TNR: variants seen among roughly 807,000 people sequenced by gnomAD.
TNR encodes tenascin-R.
TNR carries 45 observed loss-of-function variants against 150.4 expected under a neutral mutation model. The observed-to-expected ratio is 0.30, with a 90% confidence interval of 0.24 to 0.38. TNR has a LOEUF of 0.38. Among genes scored for constraint, TNR ranks in the 10% least tolerant of loss-of-function variants. The pLI is 1.00. For synonymous variants in TNR, 687 were observed against 678.4 expected, an observed-to-expected ratio of 1.01 and a Z score of -0.20; for missense variants, 1,544 against 1,759.1, an observed-to-expected ratio of 0.88 and a Z score of 2.19.
chr1:175,666,025 T>C (rs1054097293), intron 1 of TNR, among the ~76,000 whole-genome samples: 3 of 152,214 alleles, frequency 2.0e-5, no homozygotes, highest in African/African-American at 7.2e-5. Context: ...CTCCCTAATT[T>C]ACCATAAGGG....
chr1:175,493,054 G>A (rs2102141365), intron 2 of TNR, among the ~76,000 whole-genome samples: 1 of 152,122 alleles, frequency 6.6e-6, no homozygotes, highest in Admixed American at 6.5e-5. Flanking sequence ...CATTTCTCCT[G>A]TGACACATTA....
chr1:175,655,843 G>A (rs529502410), intron 1 of TNR, among the ~76,000 whole-genome samples: 1 of 152,320 alleles, frequency 6.6e-6, no homozygotes, highest in South Asian at 2.1e-4. Context: ...CTTTGGTTCT[G>A]AGCTGTCACT....
intron 1 of TNR, among the ~76,000 whole-genome samples, chr1:175,607,321 C>T (rs1558035006): frequency 6.6e-6 from 1 of 152,162 alleles, no homozygotes; most frequent in Non-Finnish European, 1.5e-5. Flanking sequence ...CATAGAAGCC[C>T]AAATGGAATC....
intron 1 of TNR, among the ~76,000 whole-genome samples, chr1:175,732,280 G>A (rs968085435): frequency 5.3e-5 from 8 of 152,188 alleles, no homozygotes; most frequent in African/African-American, 7.2e-5. Context: ...AAAAGAAGTG[G>A]CCCACAAGTG....
At chr1:175,730,067 G>A (rs897581984) in intron 1 of TNR, among the ~76,000 whole-genome samples, 1 of 152,112 alleles carries the variant, frequency 6.6e-6, no homozygotes. Flanking sequence ...ATCCTGAAAG[G>A]AAGACCAAAT....
At position 175,317,206 on chromosome 1, in the gene TNR, A is replaced by G. The variant is rs985770867; in HGVS notation, c.*6151T>C. On this transcript the variant is annotated 3_prime_UTR_variant, in exon 23 of 23. Transcript: ENST00000367674. ...AAATAGTGGGTATGCAATAAATGCT[A>G]TTTATCTTAGTGTTCATTTGTGGAG... 6 of 152,194 alleles carry G rather than the reference A, an allele frequency of 3.9e-5. No individual in the cohort carries two copies. Among genetic ancestry groups the G allele is most frequent in the Non-Finnish European group, 7.3e-5 (5 of 68,028 alleles). 9.4% of individuals were successfully genotyped at this position (152,194 alleles called of 1,614,324 possible).
chr1:175,418,127 T>A (rs1223338188), intron 2 of TNR, among the ~76,000 whole-genome samples: 1 of 152,150 alleles, frequency 6.6e-6, no homozygotes, highest in Non-Finnish European at 1.5e-5. Flanking sequence ...CCTGCTTAAT[T>A]AAATTCAGTT....
At chr1:175,387,754 C>A (rs1383993107) in intron 7 of TNR, among the ~76,000 whole-genome samples, 1 of 152,238 alleles carries the variant, frequency 6.6e-6, no homozygotes, top group East Asian at 1.9e-4. Context: ...CTCTGGCCCA[C>A]CTCCTACTCT....
chr1:175,537,681 C>G (rs1045543567), intron 1 of TNR, among the ~76,000 whole-genome samples: 1 of 152,220 alleles, frequency 6.6e-6, no homozygotes, highest in Non-Finnish European at 1.5e-5. Flanking sequence ...TGATGAAGGA[C>G]TCTGGGTTAG....
intron 1 of TNR, among the ~76,000 whole-genome samples, chr1:175,532,826 A>G (rs1660126088): frequency 6.6e-6 from 1 of 152,180 alleles, no homozygotes; most frequent in Non-Finnish European, 1.5e-5. Flanking sequence ...GGCTTCTACA[A>G]GGGTGCTTGA....
At chr1:175,431,931 C>CCT (rs57810187) in intron 2 of TNR, among the ~76,000 whole-genome samples, 9 of 149,750 alleles carry the variant, frequency 6.0e-5, no homozygotes, top group East Asian at 2.0e-4. Flanking sequence ...CTCTCTCTCT[C>CCT]TCTCCCTCTG....
intron 1 of TNR, among the ~76,000 whole-genome samples, chr1:175,677,493 C>T (rs1440097611): frequency 5.3e-5 from 8 of 152,190 alleles, no homozygotes; most frequent in Non-Finnish European, 1.0e-4. Context: ...CACATCACTC[C>T]CTCCCAGGGC....
At position 175,599,568 on chromosome 1, in the gene TNR, C is replaced by T. The variant is rs1226659447; in HGVS notation, c.-164-71199G>A. Among the ~76,000 whole-genome samples, 1 of 152,224 alleles carries T rather than the reference C, an allele frequency of 6.6e-6. No individual in the cohort carries two copies. The highest frequency in any genetic ancestry group is 2.4e-5 in the African/African-American group (1 of 41,470). On this transcript the variant is annotated intron_variant, in intron 1 of 22. Transcript: ENST00000367674. This position sits in a 1 kb window ranked among gnomAD's most constrained non-coding sequence, Gnocchi z 4.7. ...GGGTCTCTGCTGGGCTAGTGTCCCG[C>T]ATCAGCGGTAATGGGGCCGGCCCAC...
chr1:175,477,312 G>A (rs114612078), intron 2 of TNR, among the ~76,000 whole-genome samples: 40 of 152,278 alleles, frequency 2.6e-4, no homozygotes, highest in African/African-American at 8.9e-4. Context: ...CATACTCAGA[G>A]GAACCTGCGT....
At chr1:175,716,761 C>G (rs954353936) in intron 1 of TNR, among the ~76,000 whole-genome samples, 1 of 152,202 alleles carries the variant, frequency 6.6e-6, no homozygotes, top group Non-Finnish European at 1.5e-5. Context: ...CATTTTAAAG[C>G]CTGCTCAGGT....
chr1:175,610,047 C>A (rs1194933699), intron 1 of TNR, among the ~76,000 whole-genome samples: 1 of 152,172 alleles, frequency 6.6e-6, no homozygotes, highest in African/African-American at 2.4e-5. Context: ...GGGGCCTAAA[C>A]AATTTTGAAC....
rs1649782749 is a variant in TNR at position 175,331,050 on chromosome 1, T to TTTCTTTCTTTCTTTCCTTC, written c.3632-816_3632-815insGAAGGAAAGAAAGAAAGAA. Among the ~76,000 whole-genome samples the TTTCTTTCTTTCTTTCCTTC allele has an allele frequency of 1.5e-4, 14 of 95,808 alleles. 1 individual carries two copies. The East Asian group carries it at 1.8e-3, about 12-fold the overall frequency. The allele number at this position is 95,808 out of a possible 152,430, so 62.9% of individuals were successfully genotyped here. ...CTTTCTTTCTTTCTTTCTTTCTTTC[T>TTTCTTTCTTTCTTTCCTTC]TTCTTTCTTTCTTTCTTTCTTTCTT... On this transcript the variant is annotated intron_variant, in intron 20 of 22. Transcript: ENST00000367674.
At position 175,321,323 on chromosome 1, in the gene TNR, T is replaced by G. The variant is rs1649038055; in HGVS notation, c.*2034A>C. The G allele has an allele frequency of 6.6e-6, 1 of 152,210 alleles. No homozygotes were observed. Among genetic ancestry groups the G allele is most frequent in the Non-Finnish European group, 1.5e-5 (1 of 68,036 alleles). 9.4% of individuals were successfully genotyped at this position (152,210 alleles called of 1,614,324 possible). On this transcript the variant is annotated 3_prime_UTR_variant, in exon 23 of 23. Transcript: ENST00000367674. ...GGAAGCGCCTCCATTCAATGGTGGC[T>G]GGCTGCATCCCCATGAGGTCCGAGG... is the stretch of plus-strand genomic sequence containing the variant.
At chr1:175,404,682 C>T (rs558107661) in intron 3 of TNR, among the ~76,000 whole-genome samples, 3 of 152,138 alleles carry the variant, frequency 2.0e-5, no homozygotes, top group African/African-American at 4.8e-5. Flanking sequence ...AGATTTTTCC[C>T]ATGTTTGCCA....
Sources: allele counts gnomAD v4.1 joint callset (sites outside exome capture counted in the v4.1 genomes callset), GRCh38; gene constraint gnomAD v4.1.1; non-coding constraint Gnocchi (gnomAD v3.1); transcripts MANE v1.5; gene names NCBI Gene and HGNC (gene_info 2026-07-23, HGNC 2026-07-21).